PALLD: variants seen among roughly 807,000 people sequenced by gnomAD.
PALLD encodes the protein palladin.
Under a neutral mutation model 123.5 loss-of-function variants are expected in PALLD, and 61 were observed. The observed-to-expected ratio is 0.49, with a 90% CI of 0.40 to 0.61. The LOEUF is 0.61. PALLD is among the 20% of genes least tolerant of loss of function. The pLI is 0.00. For synonymous variants in PALLD, 465 were observed against 496.4 expected, an observed-to-expected ratio of 0.94 and a Z score of 0.84; for missense variants, 1,273 against 1,377.0, an observed-to-expected ratio of 0.92 and a Z score of 1.20.
chr4:168,926,466 G>A lies in PALLD; in HGVS notation c.*286G>A. On this transcript the variant is annotated 3_prime_UTR_variant, in exon 22 of 22. Coordinates refer to ENST00000505667, the MANE Select transcript of PALLD (RefSeq NM_001166108.2). ...ATTCCTTTGTCACATTATGTAAAAG[G>A]CAGAAACATACCTTTGACTATAAGA... is the stretch of plus-strand genomic sequence containing the variant. 9 of 968,686 alleles carry A rather than the reference G, an allele frequency of 9.3e-6. No homozygotes were observed. Among genetic ancestry groups the A allele is most frequent in the Middle Eastern group, 2.1e-4 (1 of 4,728 alleles). 60.0% of individuals were successfully genotyped at this position (968,686 alleles called of 1,614,324 possible).
chr4:168,806,104 C>A (rs1740152545), intron 10 of PALLD, among the ~76,000 whole-genome samples: 1 of 152,090 alleles, frequency 6.6e-6, no homozygotes, highest in Admixed American at 6.5e-5. Context: ...ACTCTGTCAC[C>A]CAGGCTGGAA....
chr4:168,803,529 C>A (rs1739669624), intron 10 of PALLD, among the ~76,000 whole-genome samples: 1 of 151,678 alleles, frequency 6.6e-6, no homozygotes, highest in Non-Finnish European at 1.5e-5. Flanking sequence ...TACCAATAAT[C>A]AAAAAAATTA....
intron 2 of PALLD, among the ~76,000 whole-genome samples, chr4:168,650,098 C>T (rs1777883789): frequency 6.6e-6 from 1 of 152,018 alleles, no homozygotes; most frequent in African/African-American, 2.4e-5. Context: ...TGCTTGAACC[C>T]AGGAGGCGGA....
chr4:168,648,513 CG>C (rs1417365090), intron 2 of PALLD: 1 of 152,114 alleles, frequency 6.6e-6, no homozygotes, highest in East Asian at 1.9e-4. Context: ...AGTAAGAGAC[CG>C]GCCAGTTAGT....
intron 2 of PALLD, among the ~76,000 whole-genome samples, chr4:168,601,104 T>TA (rs10650574): frequency 0.14 from 20,662 of 150,024 alleles, 1,729 homozygotes; most frequent in African/African-American, 0.23. Flanking sequence ...GGCTCTTCTT[T>TA]AAAAAAAAAA....
chr4:168,566,367 A>G (rs1768380202), intron 2 of PALLD, among the ~76,000 whole-genome samples: 1 of 152,144 alleles, frequency 6.6e-6, no homozygotes, highest in Non-Finnish European at 1.5e-5. Context: ...GGTCGATCAC[A>G]GCTCACTACA....
At chr4:168,633,356 C>T (rs1394321260) in intron 2 of PALLD, among the ~76,000 whole-genome samples, 1 of 152,130 alleles carries the variant, frequency 6.6e-6, no homozygotes, top group Non-Finnish European at 1.5e-5. Context: ...TGAGCTTACC[C>T]ACCCCCAACT....
chr4:168,921,454 A>C lies in PALLD; in HGVS notation c.2851-80A>C. On this transcript the variant is annotated intron_variant, in intron 17 of 21. Transcript: ENST00000505667. ...CACCTCTTGTACTACTGAAGGAGGA[A>C]TTTATGCAGACTTCTTAGCTACCAG... The C allele has an allele frequency of 3.2e-6, 3 of 948,272 alleles. No individual in the cohort carries two copies. In the South Asian group the frequency reaches 4.2e-5, roughly 13 times the overall value. The allele number at this position is 948,272 out of a possible 1,614,324, so 58.7% of individuals were successfully genotyped here.
intron 10 of PALLD, among the ~76,000 whole-genome samples, chr4:168,741,484 C>T (rs1247143897): frequency 6.6e-6 from 1 of 151,830 alleles, no homozygotes; most frequent in Non-Finnish European, 1.5e-5. Flanking sequence ...TTGAGACCAG[C>T]CTGAGCAGCA....
chr4:168,875,167 A>ATACTATGGAAATACAT (rs1751577055), intron 10 of PALLD, among the ~76,000 whole-genome samples: 5 of 152,180 alleles, frequency 3.3e-5, no homozygotes, highest in African/African-American at 9.6e-5. Flanking sequence ...TATTTCCAAA[A>ATACTATGGAAATACAT]AGTTCAGTTT....
chr4:168,707,268 T>G (rs1415410035), intron 8 of PALLD, among the ~76,000 whole-genome samples: 1 of 152,226 alleles, frequency 6.6e-6, no homozygotes, highest in African/African-American at 2.4e-5. Flanking sequence ...ACCCCAAAAT[T>G]TAGTTGCTTA....
chr4:168,766,492 C>G (rs1733675714), intron 10 of PALLD, among the ~76,000 whole-genome samples: 1 of 152,210 alleles, frequency 6.6e-6, no homozygotes, highest in Non-Finnish European at 1.5e-5. Flanking sequence ...AACATTCTGC[C>G]CATCACAGAC....
intron 10 of PALLD, among the ~76,000 whole-genome samples, chr4:168,793,138 CATAT>C (rs1178780547): frequency 1.6e-5 from 2 of 126,156 alleles, no homozygotes; most frequent in Non-Finnish European, 3.2e-5. Context: ...CATATATATA[CATAT>C]ATATGTGTGC....
At chr4:168,499,355 AG>A (rs1376937693) in intron 1 of PALLD, among the ~76,000 whole-genome samples, 3 of 26,702 alleles carry the variant, frequency 1.1e-4, no homozygotes, top group East Asian at 1.7e-3. Context: ...GAAGGGAGGG[AG>A]GGGGGAGGGA....
chr4:168,597,957 C>T (rs887421868), intron 2 of PALLD, among the ~76,000 whole-genome samples: 3 of 151,988 alleles, frequency 2.0e-5, no homozygotes, highest in African/African-American at 7.2e-5. Flanking sequence ...AGAACTTCAT[C>T]ATTTTCATGT....
intron 2 of PALLD, among the ~76,000 whole-genome samples, chr4:168,559,581 G>A (rs531116723): frequency 6.6e-6 from 1 of 152,202 alleles, no homozygotes; most frequent in Non-Finnish European, 1.5e-5. Flanking sequence ...CATTTGCAGA[G>A]AACTTTTGAG....
rs2150124637 is a variant in PALLD, at chr4:168,691,299, A to G, written c.1501+7A>G. 6.2e-7 allele frequency: 1 copy of G among 1,608,160 alleles called. No individual in the cohort carries two copies. Among genetic ancestry groups the G allele is most frequent in the East Asian group, 2.2e-5 (1 of 44,786 alleles). On this transcript the variant is annotated splice_region_variant and intron_variant, in intron 8 of 21. Transcript: ENST00000505667. The stretch of plus-strand genomic sequence containing the variant: ...AGATCTACAGCTGAACCTGGTAAGA[A>G]TATTTTTAGGGTTTTTTTTTTTGGT...
intron 10 of PALLD, among the ~76,000 whole-genome samples, chr4:168,728,849 C>T (rs191974703): frequency 3.3e-4 from 50 of 152,206 alleles, no homozygotes; most frequent in African/African-American, 7.5e-4. Flanking sequence ...TTTTATCCCT[C>T]GCCCTCCTCC....
intron 2 of PALLD, among the ~76,000 whole-genome samples, chr4:168,647,349 T>C (rs546006069): frequency 4.6e-5 from 7 of 152,294 alleles, no homozygotes; most frequent in African/African-American, 1.4e-4. Flanking sequence ...CTTACTACAA[T>C]GGACTGTGTT....
Sources: allele counts gnomAD v4.1 joint callset (sites outside exome capture counted in the v4.1 genomes callset), GRCh38; gene constraint gnomAD v4.1.1; transcripts MANE v1.5; gene names NCBI Gene and HGNC (gene_info 2026-07-23, HGNC 2026-07-21).